ELOVL5: variants seen among roughly 807,000 people sequenced by gnomAD.
The protein encoded by ELOVL5 is ELOVL fatty acid elongase 5.
A neutral mutation model predicts 38.6 loss-of-function variants in ELOVL5; 8 were observed. That is an observed-to-expected ratio of 0.21 (90% CI 0.12 to 0.37). The LOEUF is 0.37. Among genes scored for constraint, ELOVL5 ranks in the 10% least tolerant of loss-of-function variants. The pLI, the probability that ELOVL5 is intolerant of heterozygous loss-of-function variation, is 1.00. For missense variants in ELOVL5, 280 were observed against 367.8 expected (o/e 0.76, Z 1.95); for synonymous variants, 127 against 133.7 (o/e 0.95, Z 0.34).
At chr6:53,346,382 T>G (rs1769542863) in intron 1 of ELOVL5, among the ~76,000 whole-genome samples, 1 of 152,214 alleles carries the variant, frequency 6.6e-6, no homozygotes, top group South Asian at 2.1e-4. Context: ...CGTGTGCATG[T>G]GTCTTCATAG....
At chr6:53,272,457 C>A (rs1765961375) in intron 6 of ELOVL5, among the ~76,000 whole-genome samples, 1 of 152,170 alleles carries the variant, frequency 6.6e-6, no homozygotes, top group South Asian at 2.1e-4. Flanking sequence ...AATATGAAAT[C>A]AGGCTACTGG....
intron 4 of ELOVL5, among the ~76,000 whole-genome samples, chr6:53,275,719 T>C (rs755116628): frequency 2.0e-5 from 3 of 152,214 alleles, no homozygotes; most frequent in African/African-American, 7.2e-5. Context: ...GTCAGGTCTC[T>C]GCCCAATTAA....
chr6:53,306,401 G>A (rs1485931039), intron 1 of ELOVL5, among the ~76,000 whole-genome samples: 1 of 140,984 alleles, frequency 7.1e-6, no homozygotes, highest in Non-Finnish European at 1.5e-5. Flanking sequence ...AGGGGAGAGG[G>A]GCAAACACAC....
rs889123791 is a variant in ELOVL5, at chr6:53,332,984, G to C, written c.-9+15833C>G. Among the ~76,000 whole-genome samples the C allele has an allele frequency of 5.9e-5, 9 of 152,298 alleles. No individual in the cohort carries two copies. In the East Asian group the frequency reaches 1.4e-3, roughly 23 times the overall value. ...GAAGGAAGAAAAGCAGGTCAGCAAG[G>C]GGGAGAGGGGAGAGAATGAATAAAT... On this transcript the variant is annotated intron_variant, in intron 1 of 7. Transcript: ENST00000304434.
At chr6:53,301,349 G>C (rs966670208) in intron 1 of ELOVL5, among the ~76,000 whole-genome samples, 1 of 152,088 alleles carries the variant, frequency 6.6e-6, no homozygotes, top group Admixed American at 6.6e-5. Flanking sequence ...GTACTAGCAG[G>C]GACCAAGCCC....
At chr6:53,331,582 T>C (rs1209247283) in intron 1 of ELOVL5, among the ~76,000 whole-genome samples, 2 of 152,182 alleles carry the variant, frequency 1.3e-5, no homozygotes, top group Non-Finnish European at 2.9e-5. Flanking sequence ...TATAATCTTA[T>C]GGGACCACCA....
intron 1 of ELOVL5, among the ~76,000 whole-genome samples, chr6:53,318,067 AC>A (rs1277447870): frequency 6.6e-6 from 1 of 152,190 alleles, no homozygotes; most frequent in East Asian, 1.9e-4. Flanking sequence ...GCAGACAGCC[AC>A]TGTCACTTGT....
chr6:53,309,778 G>T (rs1767753099), intron 1 of ELOVL5, among the ~76,000 whole-genome samples: 1 of 152,194 alleles, frequency 6.6e-6, no homozygotes, highest in African/African-American at 2.4e-5. Context: ...AACAGTCCTA[G>T]GGAGAGGACA....
rs369261338 is a variant in ELOVL5 at position 53,318,344 on chromosome 6, C to A, written c.-8-22637G>T. Reference sequence around the variant, plus strand: ...TGGGCGAGTACATGTCTGAAAACCTCAATCTCCTCACCTGGAATATTCTCT... The same window carrying A: ...TGGGCGAGTACATGTCTGAAAACCTAAATCTCCTCACCTGGAATATTCTCT... On this transcript the variant is annotated intron_variant, in intron 1 of 7. Transcript: ENST00000304434. Among the ~76,000 whole-genome samples, 12 of 152,308 alleles carry A rather than the reference C, an allele frequency of 7.9e-5. No homozygotes were observed. The South Asian group carries it at 1.0e-3, about 13-fold the overall frequency.
chr6:53,338,667 C>T (rs1024315500), intron 1 of ELOVL5, among the ~76,000 whole-genome samples: 4 of 152,204 alleles, frequency 2.6e-5, no homozygotes, highest in African/African-American at 9.6e-5. Flanking sequence ...CAATCATATT[C>T]TAAACATCTA....
chr6:53,347,867 G>C (rs935827821), intron 1 of ELOVL5, among the ~76,000 whole-genome samples: 30 of 152,248 alleles, frequency 2.0e-4, no homozygotes, highest in African/African-American at 5.3e-4. Context: ...GCAAGACGCA[G>C]TTCAGCAAGA....
chr6:53,328,971 AT>A (rs1768668551), intron 1 of ELOVL5, among the ~76,000 whole-genome samples: 1 of 152,232 alleles, frequency 6.6e-6, no homozygotes, highest in Admixed American at 6.5e-5. Flanking sequence ...TACCTTACAG[AT>A]ATGTTCATTT....
At chr6:53,285,954 G>A (rs1219603882) in intron 3 of ELOVL5, among the ~76,000 whole-genome samples, 1 of 151,970 alleles carries the variant, frequency 6.6e-6, no homozygotes, top group African/African-American at 2.4e-5. Context: ...AAGATTTAAT[G>A]CGATTGCACA....
At chr6:53,308,950 G>C (rs1426923163) in intron 1 of ELOVL5, among the ~76,000 whole-genome samples, 6 of 151,728 alleles carry the variant, frequency 4.0e-5, no homozygotes, top group East Asian at 1.9e-4. Flanking sequence ...ATAAAACCTC[G>C]TATCAAGATA....
chr6:53,267,680 G>C lies in ELOVL5; in HGVS notation c.*1447C>G, dbSNP rs576587221. On this transcript the variant is annotated 3_prime_UTR_variant, in exon 8 of 8. Transcript: ENST00000304434. ...AGAACCAATAGGCTCCCTATAGTAC[G>C]AATGTGCAAAATTAAAGCATGGTAA... is the stretch of plus-strand genomic sequence containing the variant. 12 of 152,714 alleles carry C rather than the reference G, an allele frequency of 7.9e-5. No individual in the cohort carries two copies. The highest frequency in any genetic ancestry group is 2.6e-4 in the African/African-American group (11 of 41,558). 9.5% of individuals were successfully genotyped at this position (152,714 alleles called of 1,614,324 possible).
chr6:53,305,520 C>A (rs954847059), intron 1 of ELOVL5, among the ~76,000 whole-genome samples: 4 of 149,846 alleles, frequency 2.7e-5, no homozygotes, highest in African/African-American at 9.9e-5. Flanking sequence ...CCTCACTTCT[C>A]AGACGGGGCG....
At position 53,267,795 on chromosome 6, in the gene ELOVL5, C is replaced by A. The variant is rs748892429; in HGVS notation, c.*1332G>T. ...ATGTCATGAGTGGTTCCAAGAATAT[C>A]TTTCCCCCAATGGAGAAGGTATTCA... On this transcript the variant is annotated 3_prime_UTR_variant, in exon 8 of 8. Transcript: ENST00000304434. 2.0e-5 allele frequency: 3 copies of A among 152,578 alleles called. No homozygotes were observed. Among genetic ancestry groups the A allele is most frequent in the Non-Finnish European group, 4.4e-5 (3 of 68,032 alleles). The allele number at this position is 152,578 out of a possible 1,614,324, so 9.5% of individuals were successfully genotyped here.
intron 1 of ELOVL5, among the ~76,000 whole-genome samples, chr6:53,338,192 C>T (rs774026243): frequency 6.6e-6 from 1 of 152,158 alleles, no homozygotes; most frequent in African/African-American, 2.4e-5. Context: ...TGTTTGCCTA[C>T]ATTTTAAATT....
At chr6:53,347,047 A>T (rs1769577563) in intron 1 of ELOVL5, among the ~76,000 whole-genome samples, 1 of 152,206 alleles carries the variant, frequency 6.6e-6, no homozygotes, top group African/African-American at 2.4e-5. Flanking sequence ...TGAGTCAAGG[A>T]GGTGAGGTCA....
Sources: gnomAD v4.1 joint callset for allele counts (sites outside exome capture counted in the v4.1 genomes callset) on GRCh38, gnomAD v4.1.1 for gene constraint, MANE v1.5 for transcripts, NCBI Gene and HGNC (gene_info 2026-07-23, HGNC 2026-07-21) for gene names.